NDUFAF2: variants seen among roughly 807,000 people sequenced by gnomAD.
NDUFAF2 encodes the protein NADH dehydrogenase [ubiquinone] 1 alpha subcomplex assembly factor 2.
Under a neutral mutation model 22.8 loss-of-function variants are expected in NDUFAF2, and 13 were observed. The ratio of observed to expected loss-of-function variants is 0.57; its 90% confidence interval spans 0.37 to 0.91. The LOEUF (loss-of-function observed/expected upper bound fraction) is 0.91. NDUFAF2 is among the 40% of genes least tolerant of loss of function. The probability of loss-of-function intolerance (pLI) is 0.01; values close to 1 mark genes in which losing one functional copy is unlikely to be tolerated. For missense variants in NDUFAF2, 162 were observed against 195.2 expected, an observed-to-expected ratio of 0.83 and a Z score of 1.01; for synonymous variants, 53 against 64.2, an observed-to-expected ratio of 0.83 and a Z score of 0.84.
intron 1 of NDUFAF2, among the ~76,000 whole-genome samples, chr5:61,065,343 C>T (rs1270625602): frequency 6.6e-6 from 1 of 152,058 alleles, no homozygotes; most frequent in East Asian, 1.9e-4. Context: ...TACTTCTAAG[C>T]ATATTTTATG....
chr5:61,152,872 C>T lies in NDUFAF2; in HGVS notation c.427C>T (p.Pro143Ser). The T allele has an allele frequency of 6.2e-7, 1 of 1,611,034 alleles. No individual in the cohort carries two copies. Among genetic ancestry groups the T allele is most frequent in the Non-Finnish European group, 8.5e-7 (1 of 1,178,284 alleles). ...ASAPYFGKEE[P>S]SVAPSSTGKT... ...TGCTCCATACTTTGGAAAGGAAGAA[C>T]CCTCAGTGGCTCCCAGCAGCACTGG... The change falls in exon 4 of 4, where the codon CCC (proline) becomes TCC (serine). Residue 143 changes from proline (P) to serine (S), a missense_variant. Physicochemically the swap from Pro to Ser is moderately conservative, Grantham distance 74. Transcript: ENST00000296597.
intron 3 of NDUFAF2, among the ~76,000 whole-genome samples, chr5:61,107,640 A>G (rs1399050944): frequency 6.7e-6 from 1 of 149,896 alleles, no homozygotes; most frequent in Non-Finnish European, 1.5e-5. Flanking sequence ...CTTGTGGGGT[A>G]TTTCTCTTTT....
chr5:61,107,006 A>T (rs1752772633), intron 3 of NDUFAF2, among the ~76,000 whole-genome samples: 1 of 144,480 alleles, frequency 6.9e-6, no homozygotes, highest in South Asian at 2.2e-4. Flanking sequence ...GAGTACAGGT[A>T]TCTCTTCGAT....
chr5:60,968,893 TCTG>T (rs1292472695), intron 1 of NDUFAF2, among the ~76,000 whole-genome samples: 2 of 152,088 alleles, frequency 1.3e-5, no homozygotes, highest in Non-Finnish European at 2.9e-5. Flanking sequence ...ACCATCCTTT[TCTG>T]CTCTCTATCT....
intron 3 of NDUFAF2, among the ~76,000 whole-genome samples, chr5:61,130,304 T>C (rs145865593): frequency 5.5e-4 from 84 of 152,246 alleles, no homozygotes; most frequent in African/African-American, 1.9e-3. Context: ...TTCCCAACTT[T>C]TGGGGTGCTC....
intron 3 of NDUFAF2, among the ~76,000 whole-genome samples, chr5:61,113,647 A>G (rs1398405211): frequency 6.6e-6 from 1 of 152,110 alleles, no homozygotes; most frequent in Non-Finnish European, 1.5e-5. Flanking sequence ...TCCTGCCATC[A>G]TGTGAAGAAG....
intron 1 of NDUFAF2, among the ~76,000 whole-genome samples, chr5:60,972,777 T>G (rs934365577): frequency 1.3e-5 from 2 of 151,036 alleles, no homozygotes; most frequent in African/African-American, 2.4e-5. Context: ...TATTCTGTTT[T>G]TTTTTTTTTT....
intron 2 of NDUFAF2, among the ~76,000 whole-genome samples, chr5:61,092,129 G>A (rs1752576292): frequency 6.6e-6 from 1 of 152,074 alleles, no homozygotes; most frequent in South Asian, 2.1e-4. Context: ...GTAGTGTGAT[G>A]CCTCCAGCTT....
intron 1 of NDUFAF2, among the ~76,000 whole-genome samples, chr5:61,031,190 G>A (rs1233000758): frequency 3.3e-5 from 5 of 152,052 alleles, no homozygotes; most frequent in Non-Finnish European, 5.9e-5. Flanking sequence ...TATACTTTGA[G>A]TTTTGGGATA....
chr5:60,972,462 T>G (rs1316665964), intron 1 of NDUFAF2, among the ~76,000 whole-genome samples: 3 of 152,114 alleles, frequency 2.0e-5, no homozygotes, highest in Non-Finnish European at 4.4e-5. Flanking sequence ...CCCTCTTCAC[T>G]CACCACTCAT....
At chr5:60,974,792 T>G (rs764504610) in intron 1 of NDUFAF2, among the ~76,000 whole-genome samples, 6 of 146,554 alleles carry the variant, frequency 4.1e-5, no homozygotes, top group Non-Finnish European at 9.3e-5. Flanking sequence ...CTGAGATTTG[T>G]GTTTGTTTGT....
At chr5:61,151,398 C>T (rs1741236175) in intron 3 of NDUFAF2, among the ~76,000 whole-genome samples, 1 of 151,708 alleles carries the variant, frequency 6.6e-6, no homozygotes, top group Middle Eastern at 3.4e-3. Flanking sequence ...TTTCACATTA[C>T]AAATAACATA....
intron 2 of NDUFAF2, among the ~76,000 whole-genome samples, chr5:61,079,527 A>G (rs1234515356): frequency 6.6e-6 from 1 of 152,242 alleles, no homozygotes; most frequent in Non-Finnish European, 1.5e-5. Flanking sequence ...AGTATCTCGA[A>G]TAAACTCACA....
intron 2 of NDUFAF2, 34 bp downstream of exon 2, chr5:61,073,248 G>A (rs201832308): frequency 1.4e-6 from 2 of 1,443,108 alleles, no homozygotes; most frequent in Non-Finnish European, 2.0e-6. Flanking sequence ...TCTCATGGGA[G>A]GTAAGTTATA....
intron 3 of NDUFAF2, among the ~76,000 whole-genome samples, chr5:61,151,420 T>C (rs1001501765): frequency 6.6e-6 from 1 of 152,094 alleles, no homozygotes; most frequent in African/African-American, 2.4e-5. Flanking sequence ...TCTTAAAAAT[T>C]AGATAATACA....
chr5:60,970,887 TTA>T (rs907659398), intron 1 of NDUFAF2, among the ~76,000 whole-genome samples: 24 of 152,230 alleles, frequency 1.6e-4, no homozygotes, highest in African/African-American at 5.8e-4. Flanking sequence ...GTTTATATCC[TTA>T]TATATATATT....
rs114872353 is a variant in NDUFAF2, at chr5:61,092,216, A to G, written c.218-6776A>G. 8.3e-3 allele frequency among the ~76,000 whole-genome samples: 1,258 copies of G among 152,186 alleles called. 7 individuals are homozygous for G. The highest frequency in any genetic ancestry group is 0.023 in the Admixed American group (348 of 15,284). On this transcript the variant is annotated intron_variant, in intron 2 of 3. Coordinates refer to ENST00000296597, the MANE Select transcript of NDUFAF2 (RefSeq NM_174889.5). Reference sequence around the variant, plus strand: ...GCTATTCAGGCTCTTTTTTGGTTCCATATGAATTCTAAAATATTTTTTTCT... The same window carrying G: ...GCTATTCAGGCTCTTTTTTGGTTCCGTATGAATTCTAAAATATTTTTTTCT...
chr5:60,983,984 C>T (rs1316082585), intron 1 of NDUFAF2, among the ~76,000 whole-genome samples: 3 of 152,022 alleles, frequency 2.0e-5, no homozygotes, highest in African/African-American at 7.2e-5. Context: ...TATAAATTAC[C>T]TTGGGCAGTA....
intron 3 of NDUFAF2, among the ~76,000 whole-genome samples, chr5:61,138,143 G>A (rs1740991682): frequency 6.6e-6 from 1 of 152,198 alleles, no homozygotes; most frequent in South Asian, 2.1e-4. Flanking sequence ...CTCCATATTT[G>A]CCACAGGCAA....
Sources: gnomAD v4.1 joint callset for allele counts (sites outside exome capture counted in the v4.1 genomes callset) on GRCh38, gnomAD v4.1.1 for gene constraint, MANE v1.5 for transcripts, NCBI Gene and HGNC (gene_info 2026-07-23, HGNC 2026-07-21) for gene names.